Variants in BOP1 observed in about 807,000 individuals in gnomAD.
The protein encoded by BOP1 is ribosome biogenesis protein BOP1.
A neutral mutation model predicts 82.9 loss-of-function variants in BOP1; 54 were observed. The ratio of observed to expected loss-of-function variants is 0.65; its 90% CI spans 0.52 to 0.82. BOP1 has a LOEUF of 0.82. Ranked by LOEUF, BOP1 falls within the 40% of genes least tolerant of loss-of-function variation. The pLI, the probability that BOP1 is intolerant of heterozygous loss-of-function variation, is 0.00. For synonymous variants in BOP1, 566 were observed against 451.1 expected, an observed-to-expected ratio of 1.25 and a Z score of -3.23; for missense variants, 1,170 against 1,072.0, an observed-to-expected ratio of 1.09 and a Z score of -1.28.
chr8:144,277,800 G>A (rs1161344241), intron 2 of BOP1, among the ~76,000 whole-genome samples: 4 of 146,344 alleles, frequency 2.7e-5, no homozygotes, highest in Non-Finnish European at 4.4e-5. Context: ...GGGCAGGGGC[G>A]GTGCGGGCAG....
intron 3 of BOP1, chr8:144,267,226 C>T (rs1450102811): frequency 6.8e-7 from 1 of 1,478,374 alleles, no homozygotes; most frequent in Non-Finnish European, 8.9e-7. Flanking sequence ...CAACGCGCCC[C>T]TCAGCCCACA....
In BOP1 at chr8:144,262,947, G is replaced by C; in HGVS notation, c.1800C>G (p.Arg600=). 6.5e-7 allele frequency: 1 copy of C among 1,546,602 alleles called. No homozygotes were observed. Among genetic ancestry groups the C allele is most frequent in the Non-Finnish European group, 8.7e-7 (1 of 1,152,518 alleles). ...GCAGCAGGTGGTAGAGGCGGACGCTGCGCTGGGACGCCACCAACAGGAAGG... is the reference window on the plus strand; with the variant it reads ...GCAGCAGGTGGTAGAGGCGGACGCTCCGCTGGGACGCCACCAACAGGAAGG... The part of the protein sequence containing the change: ...ARPFLLVASQ[R]SVRLYHLLRQ... Residue 600 remains arginine, a synonymous_variant, in exon 13 of 16, where the codon CGC becomes CGG. Transcript: ENST00000569669.
At chr8:144,271,726 TCAAAGTCCAAACCAGCTGAGCGAACCCC>T (rs1845496243) in intron 3 of BOP1, among the ~76,000 whole-genome samples, 2 of 151,912 alleles carry the variant, frequency 1.3e-5, no homozygotes, top group Admixed American at 1.3e-4. Flanking sequence ...CTCCTCCTCC[TCAAAGTCCAAACCAGCTGAGCGAACCCC>T]CAGCCCAAGG....
At chr8:144,273,152 G>C (rs927570677) in intron 3 of BOP1, among the ~76,000 whole-genome samples, 1 of 152,168 alleles carries the variant, frequency 6.6e-6, no homozygotes, top group African/African-American at 2.4e-5. Context: ...TGAGTGCGCG[G>C]GGCCAGGACG....
rs1845270327 is a variant in BOP1, at chr8:144,263,211, C to A, written c.1605+10G>T. 39 of 1,594,178 alleles carry A rather than the reference C, an allele frequency of 2.4e-5. No homozygotes were observed. Among genetic ancestry groups the A allele is most frequent in the Non-Finnish European group, 3.3e-5 (39 of 1,178,862 alleles). The stretch of plus-strand genomic sequence containing the variant: ...CCGCTGCAGCCTCACCCCCAAGGCG[C>A]CCCACGTACCTTCCCGTGGCAGATG... On this transcript the variant is annotated intron_variant, in intron 12 of 15. Transcript: ENST00000569669.
rs1815068110 is a variant in BOP1, at chr8:144,291,347, C to T, written c.24G>A (p.Gly8=). Residue 8 remains glycine, a synonymous_variant, in exon 1 of 16, where the codon GGG becomes GGA. Transcript: ENST00000569669. This position sits in a 1 kb window ranked among gnomAD's most constrained non-coding sequence, Gnocchi z 4.1. The part of the protein sequence containing the change: MAGSRGA[G]RTAAPSVRPE... Reference sequence around the variant, plus strand: ...GCCGCACGCTCGGCGCCGCCGTGCGCCCCGCACCCCGCGAACCCGCCATGC... The same window carrying T: ...GCCGCACGCTCGGCGCCGCCGTGCGTCCCGCACCCCGCGAACCCGCCATGC... 1 of 1,378,102 alleles carries T rather than the reference C, an allele frequency of 7.3e-7. No homozygotes were observed. The highest frequency in any genetic ancestry group is 9.4e-7 in the Non-Finnish European group (1 of 1,060,520). The allele number at this position is 1,378,102 out of a possible 1,614,324, so 85.4% of individuals were successfully genotyped here.
chr8:144,263,362 G>GT lies in BOP1; in HGVS notation c.1463dup (p.Asp488GlufsTer19). ...GATCTGTGCTGCCCGCCACCAGCCG[G>GT]TCCCCCAGAGCTGGGTTCAGCAGCA... On this transcript the variant is annotated frameshift_variant, in exon 12 of 16. Coordinates refer to ENST00000569669, the MANE Select transcript of BOP1 (RefSeq NM_015201.5). LOFTEE classifies it high-confidence loss of function. 1.3e-6 allele frequency: 2 copies of GT among 1,597,000 alleles called. No homozygotes were observed. The highest frequency in any genetic ancestry group is 1.7e-6 in the Non-Finnish European group (2 of 1,179,546).
Position 144,291,161 on chromosome 8 carries a change from C to T in BOP1, c.99+111G>A. On this transcript the variant is annotated intron_variant, in intron 1 of 15. Transcript: ENST00000569669. This position sits in a 1 kb window ranked among gnomAD's most constrained non-coding sequence, Gnocchi z 4.1. Reference sequence around the variant, plus strand: ...TGCACCCACGCCCAAGACCGATTCACTGGGCGCGGGCGCCCAGGTGACAGA... The same window carrying T: ...TGCACCCACGCCCAAGACCGATTCATTGGGCGCGGGCGCCCAGGTGACAGA... 1.1e-6 allele frequency: 1 copy of T among 934,880 alleles called. No individual in the cohort carries two copies. 57.9% of individuals were successfully genotyped at this position (934,880 alleles called of 1,614,324 possible).
At chr8:144,289,528 C>G (rs537027793) in intron 1 of BOP1, among the ~76,000 whole-genome samples, 5 of 152,340 alleles carry the variant, frequency 3.3e-5, no homozygotes, top group South Asian at 4.1e-4. Flanking sequence ...CCTTTGCCAT[C>G]GACATTTTAA....
At chr8:144,268,004 G>A (rs1304637225) in intron 3 of BOP1, 1 of 1,528,954 alleles carries the variant, frequency 6.5e-7, no homozygotes, top group Non-Finnish European at 8.9e-7. Flanking sequence ...GAGGTGCCTT[G>A]GCGCTGGCCA....
Position 144,263,510 on chromosome 8 carries a change from G to C in BOP1, c.1392C>G (p.Pro464=), listed in dbSNP as rs1236829003. ...GGVVKSVAWN[P]SPAVCLVAAA... is the part of the protein sequence containing the mutation. ...CAGCCACCAGGCAGACAGCGGGGCTGGGGTTCCAGGCCACACTCTTCACCA... is the reference window on the plus strand; with the variant it reads ...CAGCCACCAGGCAGACAGCGGGGCTCGGGTTCCAGGCCACACTCTTCACCA... The change falls in exon 11 of 16, where the codon CCC becomes CCG. Residue 464 remains proline (P), a synonymous_variant. Coordinates refer to ENST00000569669, the MANE Select transcript of BOP1 (RefSeq NM_015201.5). The C allele has an allele frequency of 3.1e-6, 5 of 1,598,972 alleles. No individual in the cohort carries two copies. The highest frequency in any genetic ancestry group is 4.2e-6 in the Non-Finnish European group (5 of 1,179,696).
intron 3 of BOP1, among the ~76,000 whole-genome samples, chr8:144,274,911 C>A (rs906728099): frequency 1.3e-5 from 2 of 152,224 alleles, no homozygotes; most frequent in Admixed American, 6.5e-5. Context: ...GCCAGAGCCC[C>A]TGGGAGGGGG....
rs1225332636 is a variant in BOP1, at chr8:144,267,084, C to CCCCCCGCCGCCG, written c.391-2025_391-2014dup. On this transcript the variant is annotated intron_variant, in intron 3 of 15. Coordinates refer to ENST00000569669, the MANE Select transcript of BOP1 (RefSeq NM_015201.5). ...TCTTCCACGCGGCGCGCGCCGGCAG[C>CCCCCCGCCGCCG]CCCCCGCCGCCGCCCCCGCCGCCTC... is the stretch of plus-strand genomic sequence containing the variant. The CCCCCCGCCGCCG allele has an allele frequency of 7.3e-6, 10 of 1,370,760 alleles. No homozygotes were observed. The East Asian group carries it at 9.6e-5, about 13-fold the overall frequency. 84.9% of individuals were successfully genotyped at this position (1,370,760 alleles called of 1,614,324 possible). A position where few individuals can be genotyped will look rare whatever the true frequency, so the allele number is the denominator to read the frequency against.
rs1234896384 is a variant in BOP1, at chr8:144,289,382, C to T, written c.100-78G>A. On this transcript the variant is annotated intron_variant, in intron 1 of 15. Coordinates refer to ENST00000569669, the MANE Select transcript of BOP1 (RefSeq NM_015201.5). Reference sequence around the variant, plus strand: ...GAACACTGCAGGGAGAGCTGCCTCTCGCCCCTCCAGCCACCCACCAGCAGC... The same window carrying T: ...GAACACTGCAGGGAGAGCTGCCTCTTGCCCCTCCAGCCACCCACCAGCAGC... 4.7e-6 allele frequency: 7 copies of T among 1,482,416 alleles called. No homozygotes were observed. The African/African-American group carries it at 5.6e-5, about 12-fold the overall frequency. 91.8% of individuals were successfully genotyped at this position (1,482,416 alleles called of 1,614,324 possible).
intron 2 of BOP1, among the ~76,000 whole-genome samples, chr8:144,287,732 C>A (rs1342093981): frequency 6.6e-6 from 1 of 152,134 alleles, no homozygotes; most frequent in Non-Finnish European, 1.5e-5. Context: ...CAAACCACTG[C>A]CAACACAGCA....
intron 3 of BOP1, among the ~76,000 whole-genome samples, chr8:144,266,338 A>T (rs889670571): frequency 1.8e-4 from 27 of 151,816 alleles, no homozygotes; most frequent in African/African-American, 5.6e-4. Flanking sequence ...TGGCCACAGA[A>T]GGCCGAGGGA....
At chr8:144,275,601 C>T (rs565787017) in intron 3 of BOP1, among the ~76,000 whole-genome samples, 20 of 152,290 alleles carry the variant, frequency 1.3e-4, no homozygotes, top group African/African-American at 4.1e-4. Context: ...GAGAAACAGC[C>T]GACCTCCTGC....
Position 144,262,429 on chromosome 8 carries a change from C to A in BOP1, c.2054G>T (p.Gly685Val). 1 of 1,612,750 alleles carries A rather than the reference C, an allele frequency of 6.2e-7. No individual in the cohort carries two copies. The highest frequency in any genetic ancestry group is 8.5e-7 in the Non-Finnish European group (1 of 1,179,816). Residue 685 changes from glycine to valine, a missense_variant, in exon 15 of 16, where the codon GGC (glycine) becomes GTC (valine). Physicochemically the swap from Gly to Val is moderately radical, Grantham distance 109 (BLOSUM62 -3). Transcript: ENST00000569669. ...YPLFASGSDD[G>V]SVIVCHGMVY... is the part of the protein sequence containing the mutation. Reference sequence around the variant, plus strand: ...CATGCCATGGCAGACGATGACACTGCCGTCGTCCGAGCCTGACGCAAAGAG... The same window carrying A: ...CATGCCATGGCAGACGATGACACTGACGTCGTCCGAGCCTGACGCAAAGAG...
intron 2 of BOP1, among the ~76,000 whole-genome samples, chr8:144,278,530 G>A (rs1181999326): frequency 3.3e-5 from 5 of 152,210 alleles, no homozygotes; most frequent in African/African-American, 9.6e-5. Flanking sequence ...AGAGGATGGC[G>A]ACAGAGCTGC....
Sources: allele counts gnomAD v4.1 joint callset (sites outside exome capture counted in the v4.1 genomes callset), GRCh38; gene constraint gnomAD v4.1.1; non-coding constraint Gnocchi (gnomAD v3.1); transcripts MANE v1.5; gene names NCBI Gene and HGNC (gene_info 2026-07-23, HGNC 2026-07-21).